Variants in GALNT2 observed in about 807,000 individuals in gnomAD.
The protein encoded by GALNT2 is UDP-GalNAc:polypeptide N-acetylgalactosaminyltransferase 2.
In GALNT2, 31 loss-of-function variants were observed where a neutral mutation model predicts 81.4. The observed-to-expected ratio is 0.38, with a 90% CI of 0.29 to 0.51. The LOEUF is 0.51. Ranked by LOEUF, GALNT2 falls within the 20% of genes least tolerant of loss-of-function variation. The probability of loss-of-function intolerance (pLI) is 0.87; values close to 1 mark genes in which losing one functional copy is unlikely to be tolerated. For synonymous variants in GALNT2, 303 were observed against 287.4 expected, an observed-to-expected ratio of 1.05 and a Z score of -0.55; for missense variants, 629 against 765.7, an observed-to-expected ratio of 0.82 and a Z score of 2.11.
At chr1:230,244,136 T>C (rs1665293167) in intron 7 of GALNT2, among the ~76,000 whole-genome samples, 1 of 151,848 alleles carries the variant, frequency 6.6e-6, no homozygotes, top group Non-Finnish European at 1.5e-5. Context: ...AAATAGAAAA[T>C]GAACAAGTAG....
chr1:230,279,493 C>A lies in GALNT2; in HGVS notation c.*35C>A. The A allele has an allele frequency of 1.2e-6, 2 of 1,603,020 alleles. No homozygotes were observed. Among genetic ancestry groups the A allele is most frequent in the Non-Finnish European group, 1.7e-6 (2 of 1,173,424 alleles). ...GGAGGCCCTGCCGTCCTGTCTCCTG[C>A]ACCATTGGGTGGAGTCTGGTGATCA... On this transcript the variant is annotated 3_prime_UTR_variant, in exon 16 of 16. Coordinates refer to ENST00000366672, the MANE Select transcript of GALNT2 (RefSeq NM_004481.5). This position sits in a 1 kb window ranked among gnomAD's most constrained non-coding sequence, Gnocchi z 4.6.
intron 1 of GALNT2, among the ~76,000 whole-genome samples, chr1:230,126,580 TGA>T (rs992079600): frequency 1.3e-5 from 2 of 152,160 alleles, no homozygotes; most frequent in East Asian, 1.9e-4. Context: ...TGAGCGGGAA[TGA>T]GAGTGGTTCA....
intron 1 of GALNT2, among the ~76,000 whole-genome samples, chr1:230,140,492 G>A (rs541374771): frequency 5.3e-5 from 8 of 152,322 alleles, no homozygotes; most frequent in East Asian, 1.9e-4. Context: ...ACAGTGGAGC[G>A]TGACTTCCCG....
chr1:230,185,273 C>CGTGTGTGT (rs1177553093), intron 2 of GALNT2, among the ~76,000 whole-genome samples: 27 of 119,512 alleles, frequency 2.3e-4, no homozygotes, highest in African/African-American at 8.1e-4. Flanking sequence ...TGCGTGCGTG[C>CGTGTGTGT]GTGTGTGTGT....
At position 230,258,369 on chromosome 1, in the gene GALNT2, A is replaced by G. The variant is rs984563703; in HGVS notation, c.1136+3025A>G. 7.2e-5 allele frequency among the ~76,000 whole-genome samples: 11 copies of G among 152,062 alleles called. No homozygotes were observed. In the South Asian group the frequency reaches 2.3e-3, roughly 32 times the overall value. On this transcript the variant is annotated intron_variant, in intron 11 of 15. Coordinates refer to ENST00000366672, the MANE Select transcript of GALNT2 (RefSeq NM_004481.5). ...CTCAGCCTCCTGAGTAGCAGGGATT[A>G]CAGGCATGCGCCACCACACCCAGCT...
In GALNT2 at chr1:230,279,322, G is replaced by A. The variant is rs528256081; in HGVS notation, c.1580G>A (p.Gly527Asp). The change falls in exon 16 of 16, where the codon GGC becomes GAC. Residue 527 changes from glycine to aspartate, a missense_variant. Gly to Asp is a moderately conservative substitution (Grantham distance 94, BLOSUM62 -1). This residue lies in a region of GALNT2 where 207 missense variants were observed against 225.5 expected (regional missense o/e 0.92). Coordinates refer to ENST00000366672, the MANE Select transcript of GALNT2 (RefSeq NM_004481.5). The surrounding 1 kb of genome is among the most constrained non-coding windows in gnomAD (Gnocchi z 4.6). Reference sequence around the variant, plus strand: ...TTGCAGAAATGGGAACAGATCGAGGGCAACTCCAAGCTGAGGCACGTGGGC... The same window carrying A: ...TTGCAGAAATGGGAACAGATCGAGGACAACTCCAAGCTGAGGCACGTGGGC... ...DSRQKWEQIE[G>D]NSKLRHVGSN... The A allele has an allele frequency of 1.9e-6, 3 of 1,614,134 alleles. No homozygotes were observed. Among genetic ancestry groups the A allele is most frequent in the East Asian group, 4.5e-5 (2 of 44,880 alleles).
Position 230,152,472 on chromosome 1 carries a change from G to T in GALNT2, c.127-25746G>T, listed in dbSNP as rs180933505. Among the ~76,000 whole-genome samples, 5 of 152,284 alleles carry T rather than the reference G, an allele frequency of 3.3e-5. No homozygotes were observed. In the East Asian group the frequency reaches 9.6e-4, roughly 29 times the overall value. ...ATGAATAATTAAATAGAAAATACTGGAGCACATCATACATGTAAGAGTAGG... is the reference window on the plus strand; with the variant it reads ...ATGAATAATTAAATAGAAAATACTGTAGCACATCATACATGTAAGAGTAGG... On this transcript the variant is annotated intron_variant, in intron 1 of 15. Transcript: ENST00000366672.
chr1:230,083,277 G>C (rs1269226989), intron 1 of GALNT2, among the ~76,000 whole-genome samples: 1 of 148,838 alleles, frequency 6.7e-6, no homozygotes, highest in Non-Finnish European at 1.5e-5. Flanking sequence ...ATGGAGTGGG[G>C]AGCCCAGATG....
intron 1 of GALNT2, among the ~76,000 whole-genome samples, chr1:230,174,929 C>T (rs932749417): frequency 6.6e-6 from 1 of 152,326 alleles, no homozygotes; most frequent in African/African-American, 2.4e-5. Context: ...GTACCACTTC[C>T]GTGTACAGCC....
At chr1:230,120,672 C>T (rs1434133008) in intron 1 of GALNT2, among the ~76,000 whole-genome samples, 4 of 152,166 alleles carry the variant, frequency 2.6e-5, no homozygotes, top group Admixed American at 6.5e-5. Context: ...GGCTGGTCAC[C>T]CAAACAACAG....
intron 1 of GALNT2, among the ~76,000 whole-genome samples, chr1:230,067,898 G>A (rs1432732910): frequency 6.6e-6 from 1 of 152,216 alleles, no homozygotes; most frequent in Non-Finnish European, 1.5e-5. Context: ...CGGGGCGTGG[G>A]TTCCGTGTTT....
chr1:230,267,255 A>G lies in GALNT2; in HGVS notation c.1440+1888A>G, dbSNP rs1666061874. On this transcript the variant is annotated intron_variant, in intron 14 of 15. Transcript: ENST00000366672. ...GGAGGGTTTTTTACTTGGCAGTACT[A>G]TTTTGCTAGAGAAAGGGATTAGAAG... Among the ~76,000 whole-genome samples, 3 of 152,146 alleles carry G rather than the reference A, an allele frequency of 2.0e-5. No homozygotes were observed. In the South Asian group the frequency reaches 6.2e-4, roughly 32 times the overall value.
At chr1:230,083,476 A>G (rs1221932202) in intron 1 of GALNT2, among the ~76,000 whole-genome samples, 1 of 151,310 alleles carries the variant, frequency 6.6e-6, no homozygotes, top group African/African-American at 2.4e-5. Flanking sequence ...AGTTGGGATG[A>G]TGGAGCAGGG....
At chr1:230,140,556 CAGT>C (rs1348889645) in intron 1 of GALNT2, among the ~76,000 whole-genome samples, 1 of 152,190 alleles carries the variant, frequency 6.6e-6, no homozygotes, top group Non-Finnish European at 1.5e-5. Context: ...GGAGTACTGT[CAGT>C]GGTGCTCGGG....
At chr1:230,234,022 G>C (rs1251165951) in intron 3 of GALNT2, among the ~76,000 whole-genome samples, 4 of 152,148 alleles carry the variant, frequency 2.6e-5, no homozygotes, top group Non-Finnish European at 5.9e-5. Flanking sequence ...TGTGAACAGA[G>C]GTTATTTTAT....
intron 1 of GALNT2, among the ~76,000 whole-genome samples, chr1:230,168,976 C>A (rs1662702385): frequency 6.6e-6 from 1 of 152,076 alleles, no homozygotes; most frequent in Non-Finnish European, 1.5e-5. Context: ...TTTAGACTTT[C>A]CTTTTTTGTT....
At chr1:230,103,858 C>G (rs1158615507) in intron 1 of GALNT2, among the ~76,000 whole-genome samples, 7 of 152,188 alleles carry the variant, frequency 4.6e-5, no homozygotes, top group South Asian at 2.1e-4. Context: ...ATTCATTCCT[C>G]CCCTTCTCCT....
chr1:230,252,466 GT>G (rs2102750323), intron 10 of GALNT2, among the ~76,000 whole-genome samples: 1 of 152,272 alleles, frequency 6.6e-6, no homozygotes, highest in South Asian at 2.1e-4. Context: ...CTACATCCCT[GT>G]CATGCAAGGA....
At chr1:230,253,030 T>A (rs1451075277) in intron 10 of GALNT2, among the ~76,000 whole-genome samples, 1 of 151,906 alleles carries the variant, frequency 6.6e-6, no homozygotes, top group Non-Finnish European at 1.5e-5. Context: ...GTATTTTTAG[T>A]AGAGACAGGG....
Sources: allele counts gnomAD v4.1 joint callset (sites outside exome capture counted in the v4.1 genomes callset), GRCh38; gene constraint gnomAD v4.1.1; regional missense constraint gnomAD v4.1.1; non-coding constraint Gnocchi (gnomAD v3.1); transcripts MANE v1.5; gene names NCBI Gene and HGNC (gene_info 2026-07-23, HGNC 2026-07-21).